UBAP2L: variants seen among roughly 807,000 people sequenced by gnomAD.
UBAP2L encodes ubiquitin-associated protein 2-like.
A neutral mutation model predicts 130.6 loss-of-function variants in UBAP2L; 12 were observed. That is an observed-to-expected ratio of 0.09 (90% CI 0.06 to 0.15). The LOEUF is 0.15. UBAP2L is among the 10% of genes least tolerant of loss of function. The probability of loss-of-function intolerance (pLI) is 1.00; values close to 1 mark genes in which losing one functional copy is unlikely to be tolerated. For synonymous variants in UBAP2L, 503 were observed against 524.7 expected (o/e 0.96, Z 0.57); for missense variants, 965 against 1,332.5 (o/e 0.72, Z 4.29).
At chr1:154,229,833 T>C (rs917645599) in intron 4 of UBAP2L, among the ~76,000 whole-genome samples, 8 of 152,212 alleles carry the variant, frequency 5.3e-5, no homozygotes, top group African/African-American at 1.9e-4. Context: ...GGAATAGATA[T>C]CAAAATTCAT....
rs375790276 is a variant in UBAP2L, at chr1:154,257,383, G to A, written c.2391G>A (p.Pro797=). 54 of 1,613,350 alleles carry A rather than the reference G, an allele frequency of 3.3e-5. No individual in the cohort carries two copies. The highest frequency in any genetic ancestry group is 7.7e-5 in the South Asian group (7 of 91,038). ...APPNLPPGVP[P]LLPNPYIMAP... The stretch of plus-strand genomic sequence containing the variant: ...CCAACCTCCCTCCTGGGGTCCCGCC[G>A]TTGTTGCCTAATCCGTATATTATGG... Residue 797 remains proline, a synonymous_variant, in exon 20 of 27, where the codon CCG becomes CCA. Coordinates refer to ENST00000428931, the MANE Select transcript of UBAP2L (RefSeq NM_014847.4).
In UBAP2L at chr1:154,254,018, A is replaced by G; in HGVS notation, c.1783A>G (p.Arg595Gly). ...NNAQGPLYEQ[R>G]STQTRRYPSS... ...TGCTCAGGGCCCTCTTTATGAACAG[A>G]GATCCACACAGACTCGGCGGTACCC... The change falls in exon 15 of 27, where the codon AGA becomes GGA. Residue 595 changes from arginine to glycine, a missense_variant. Physicochemically the swap from Arg to Gly is moderately radical, Grantham distance 125. This residue lies in a region of UBAP2L where 393 missense variants were observed against 408.1 expected (regional missense o/e 0.96). Transcript: ENST00000428931. 1 of 1,612,910 alleles carries G rather than the reference A, an allele frequency of 6.2e-7. No homozygotes were observed. Among genetic ancestry groups the G allele is most frequent in the Non-Finnish European group, 8.5e-7 (1 of 1,179,556 alleles).
chr1:154,234,127 G>T (rs547450340), intron 4 of UBAP2L, among the ~76,000 whole-genome samples: 1 of 152,092 alleles, frequency 6.6e-6, no homozygotes. Context: ...TTAAGAGGCC[G>T]AGGTGGGTGG....
intron 8 of UBAP2L, among the ~76,000 whole-genome samples, chr1:154,237,358 A>G (rs1004237419): frequency 1.3e-5 from 2 of 152,218 alleles, no homozygotes; most frequent in Non-Finnish European, 2.9e-5. Flanking sequence ...GTATGAAATA[A>G]TCATTATTTA....
At chr1:154,269,025 C>G in intron 26 of UBAP2L, 71 bp downstream of exon 26, 1 of 1,554,970 alleles carries the variant, frequency 6.4e-7, no homozygotes, top group Non-Finnish European at 8.8e-7. Context: ...CTTCCCTTTC[C>G]TTTTCTTACC....
At chr1:154,241,032 T>C (rs1673404565) in intron 8 of UBAP2L, among the ~76,000 whole-genome samples, 1 of 150,030 alleles carries the variant, frequency 6.7e-6, no homozygotes, top group Admixed American at 6.8e-5. Flanking sequence ...GATATCCTTT[T>C]CTAAAGAGTG....
chr1:154,254,037 G>A lies in UBAP2L; in HGVS notation c.1802G>A (p.Arg601Gln). ...LYEQRSTQTR[R>Q]YPSSISSSPQ... ...GAACAGAGATCCACACAGACTCGGC[G>A]GTACCCCAGCTCCATCTCTTCATCA... Residue 601 changes from arginine to glutamine, a missense_variant, in exon 15 of 27, where the codon CGG (arginine) becomes CAG (glutamine). Physicochemically the swap from Arg to Gln is conservative, Grantham distance 43. Around this residue, in one of 9 missense-constraint regions of UBAP2L, gnomAD observed 393 missense variants for 408.1 expected, o/e 0.96. Transcript: ENST00000428931. 1 of 1,608,250 alleles carries A rather than the reference G, an allele frequency of 6.2e-7. No individual in the cohort carries two copies. The highest frequency in any genetic ancestry group is 8.5e-7 in the Non-Finnish European group (1 of 1,177,524).
At chr1:154,266,006 G>A (rs993144771) in intron 24 of UBAP2L, among the ~76,000 whole-genome samples, 2 of 152,160 alleles carry the variant, frequency 1.3e-5, no homozygotes, top group African/African-American at 4.8e-5. Context: ...TGCCCTTGGG[G>A]ATTAAAGTGG....
chr1:154,220,261 T>G, upstream of UBAP2L: 1 of 1,522,734 alleles, frequency 6.6e-7, no homozygotes, highest in South Asian at 1.1e-5. Context: ...GGGTGGAGAA[T>G]GCAGACGGGG....
chr1:154,220,285 G>A (rs1251628953), upstream of UBAP2L: 5 of 1,595,146 alleles, frequency 3.1e-6, no homozygotes, highest in Admixed American at 8.3e-5. Context: ...AGCTCAAAAG[G>A]AGGGTCTCTA....
chr1:154,261,330 A>G (rs912571492), intron 23 of UBAP2L, among the ~76,000 whole-genome samples: 18 of 152,186 alleles, frequency 1.2e-4, no homozygotes, highest in African/African-American at 4.3e-4. Context: ...AAGGGAGAAT[A>G]TGATACCATA....
At chr1:154,227,930 A>G (rs1441801371) in intron 3 of UBAP2L, among the ~76,000 whole-genome samples, 1 of 152,154 alleles carries the variant, frequency 6.6e-6, no homozygotes, top group African/African-American at 2.4e-5. Flanking sequence ...GCCATTTTGT[A>G]GAAACTGAGC....
chr1:154,234,392 A>C (rs1670941400), intron 4 of UBAP2L, among the ~76,000 whole-genome samples, 199 bp from the exon 5 acceptor site: 1 of 151,842 alleles, frequency 6.6e-6, no homozygotes, highest in Non-Finnish European at 1.5e-5. Context: ...AATATAAATA[A>C]ATAAAAAATA....
Position 154,261,896 on chromosome 1 carries a change from A to G in UBAP2L, c.2902+199A>G, listed in dbSNP as rs560363428. On this transcript the variant is annotated intron_variant, in intron 24 of 26. Coordinates refer to ENST00000428931, the MANE Select transcript of UBAP2L (RefSeq NM_014847.4). ...GAGCTTGATACTAGGACATGTGTCC[A>G]CTATTTGTGACGGGAATGCCCAAGA... Among the ~76,000 whole-genome samples, 4 of 152,296 alleles carry G rather than the reference A, an allele frequency of 2.6e-5. No homozygotes were observed. In the South Asian group the frequency reaches 8.3e-4, roughly 32 times the overall value.
chr1:154,220,229 G>C, upstream of UBAP2L: 1 of 1,325,554 alleles, frequency 7.5e-7, no homozygotes, highest in Non-Finnish European at 1.1e-6. Flanking sequence ...AGGAGTCAAA[G>C]CCCGGATAGG....
At chr1:154,225,313 G>T in intron 2 of UBAP2L, 100 bp downstream of exon 2, 1 of 1,360,990 alleles carries the variant, frequency 7.3e-7, no homozygotes, top group Non-Finnish European at 1.0e-6. Flanking sequence ...TGTTGGTTTA[G>T]GTTCCTTATT....
chr1:154,241,668 A>AT, intron 9 of UBAP2L, 103 bp downstream of exon 9: 1 of 1,539,248 alleles, frequency 6.5e-7, no homozygotes, highest in Non-Finnish European at 8.8e-7. Context: ...CACCCTTAAG[A>AT]TTCTGACCCA....
chr1:154,270,671 CTTTATTATTAGGAAA>C lies in UBAP2L; in HGVS notation c.*377_*391del. On this transcript the variant is annotated 3_prime_UTR_variant, in exon 27 of 27. Coordinates refer to ENST00000428931, the MANE Select transcript of UBAP2L (RefSeq NM_014847.4). ...CAGCCCAACAGCCCTAAGTCTCCTTCTTTATTATTAGGAAAACAACAACAACAACAAACAAAAAAA... is the reference window on the plus strand; with the variant it reads ...CAGCCCAACAGCCCTAAGTCTCCTTCACAACAACAACAACAAACAAAAAAA... 1 of 1,406,980 alleles carries C rather than the reference CTTTATTATTAGGAAA, an allele frequency of 7.1e-7. No individual in the cohort carries two copies. Among genetic ancestry groups the C allele is most frequent in the Non-Finnish European group, 9.2e-7 (1 of 1,087,100 alleles). The allele number at this position is 1,406,980 out of a possible 1,614,324, so 87.2% of individuals were successfully genotyped here. A position where few individuals can be genotyped will look rare whatever the true frequency, so the allele number is the denominator to read the frequency against.
chr1:154,255,009 TAAAG>T (rs1409632218), intron 16 of UBAP2L, 119 bp downstream of exon 16: 3 of 1,419,876 alleles, frequency 2.1e-6, no homozygotes, highest in Non-Finnish European at 2.9e-6. Flanking sequence ...TTCTCAGCAT[TAAAG>T]AAAAAAGATT....
Sources: gnomAD v4.1 joint callset for allele counts (sites outside exome capture counted in the v4.1 genomes callset) on GRCh38, gnomAD v4.1.1 for gene constraint, gnomAD v4.1.1 regional missense constraint, MANE v1.5 for transcripts, NCBI Gene and HGNC (gene_info 2026-07-23, HGNC 2026-07-21) for gene names.